The following PTPRD variants were observed in gnomAD, a reference collection of about 807,000 sequenced individuals.
PTPRD encodes the protein protein tyrosine phosphatase receptor type D.
A neutral mutation model predicts 214.5 loss-of-function variants in PTPRD; 34 were observed. The observed-to-expected ratio is 0.16, with a 90% CI of 0.12 to 0.21. PTPRD has a LOEUF of 0.21. Ranked by LOEUF, PTPRD falls within the 10% of genes least tolerant of loss-of-function variation. The probability of loss-of-function intolerance (pLI) is 1.00; values close to 1 mark genes in which losing one functional copy is unlikely to be tolerated. For synonymous variants in PTPRD, 1,128 were observed against 845.7 expected (o/e 1.33, Z -5.79); for missense variants, 2,545 against 2,398.7 (o/e 1.06, Z -1.27).
chr9:10,057,749 A>AG (rs889708597), intron 3 of PTPRD, among the ~76,000 whole-genome samples: 20 of 151,064 alleles, frequency 1.3e-4, no homozygotes, highest in Admixed American at 1.1e-3. Context: ...AATCTGAGGG[A>AG]GGGGAGTTGC....
chr9:8,737,418 A>G (rs372897308), intron 11 of PTPRD, among the ~76,000 whole-genome samples: 12 of 152,190 alleles, frequency 7.9e-5, no homozygotes, highest in African/African-American at 2.9e-4. Flanking sequence ...AGGTACAAAA[A>G]TTGGAAATGG....
intron 11 of PTPRD, among the ~76,000 whole-genome samples, chr9:8,885,249 C>A (rs933547751): frequency 3.3e-5 from 5 of 152,066 alleles, no homozygotes; most frequent in African/African-American, 1.2e-4. Context: ...GTTATTATTA[C>A]CCTCATTTTA....
chr9:9,061,891 A>G (rs1310091758), intron 10 of PTPRD, among the ~76,000 whole-genome samples: 1 of 152,112 alleles, frequency 6.6e-6, no homozygotes, highest in Non-Finnish European at 1.5e-5. Context: ...TTCAAACAGA[A>G]TCCCTGGCAA....
chr9:8,773,566 T>G (rs142944815), intron 11 of PTPRD, among the ~76,000 whole-genome samples: 248 of 152,320 alleles, frequency 1.6e-3, no homozygotes, highest in Non-Finnish European at 2.6e-3. Flanking sequence ...AATTGGTCCC[T>G]ATCCTACTTG....
chr9:9,531,172 A>G (rs918960310), intron 8 of PTPRD, among the ~76,000 whole-genome samples: 1 of 152,140 alleles, frequency 6.6e-6, no homozygotes, highest in Non-Finnish European at 1.5e-5. Context: ...TGTAAATTAC[A>G]TATCAATTTT....
chr9:9,916,761 A>T (rs1410084464), intron 5 of PTPRD, among the ~76,000 whole-genome samples: 1 of 152,066 alleles, frequency 6.6e-6, no homozygotes, highest in Non-Finnish European at 1.5e-5. Context: ...ATTTCATTCA[A>T]CAGTTGGAGA....
intron 8 of PTPRD, among the ~76,000 whole-genome samples, chr9:9,511,456 T>C (rs1054169710): frequency 2.6e-5 from 4 of 151,716 alleles, no homozygotes; most frequent in South Asian, 2.1e-4. Context: ...GTAATAAATA[T>C]CTAGGCTGAT....
At position 10,114,312 on chromosome 9, in the gene PTPRD, T is replaced by C. The variant is rs545616030; in HGVS notation, c.-544-80522A>G. ...TGAAGGGGTCAAAGGAAATAGGATATGGATCAAGCAAAGAACCACTTTCGG... is the reference window on the plus strand; with the variant it reads ...TGAAGGGGTCAAAGGAAATAGGATACGGATCAAGCAAAGAACCACTTTCGG... On this transcript the variant is annotated intron_variant, in intron 3 of 45. Coordinates refer to ENST00000381196, the MANE Select transcript of PTPRD (RefSeq NM_002839.4). Among the ~76,000 whole-genome samples, 17 of 152,250 alleles carry C rather than the reference T, an allele frequency of 1.1e-4. No homozygotes were observed. The East Asian group carries it at 3.1e-3, about 28-fold the overall frequency.
chr9:9,304,364 A>C (rs954110959), intron 9 of PTPRD, among the ~76,000 whole-genome samples: 1 of 152,112 alleles, frequency 6.6e-6, no homozygotes, highest in African/African-American at 2.4e-5. Context: ...CAAAGACTTA[A>C]AGGAGGTGAA....
At chr9:9,344,395 G>C (rs2048023650) in intron 9 of PTPRD, among the ~76,000 whole-genome samples, 4 of 151,974 alleles carry the variant, frequency 2.6e-5, no homozygotes, top group African/African-American at 9.7e-5. Flanking sequence ...TTAAAACCTA[G>C]CTGACAGGTT....
intron 5 of PTPRD, among the ~76,000 whole-genome samples, chr9:9,848,260 G>T (rs2059912471): frequency 6.6e-6 from 1 of 152,038 alleles, no homozygotes. Flanking sequence ...CTTCTGTTAT[G>T]TTCATTTATA....
chr9:9,908,870 C>T (rs115028004), intron 5 of PTPRD, among the ~76,000 whole-genome samples: 1,740 of 151,788 alleles, frequency 0.011, 31 homozygotes, highest in African/African-American at 0.04. Flanking sequence ...GTATCTAGGT[C>T]GGTAACACTT....
At chr9:9,440,011 G>C (rs1178427070) in intron 8 of PTPRD, among the ~76,000 whole-genome samples, 1 of 152,126 alleles carries the variant, frequency 6.6e-6, no homozygotes, top group African/African-American at 2.4e-5. Flanking sequence ...TATACCTCCA[G>C]CTTCATGAAA....
At chr9:10,227,506 G>C (rs1265372074) in intron 3 of PTPRD, among the ~76,000 whole-genome samples, 1 of 151,822 alleles carries the variant, frequency 6.6e-6, no homozygotes, top group Admixed American at 6.6e-5. Flanking sequence ...AGCTATCCAA[G>C]GTTTGGCTCA....
chr9:9,076,367 T>C (rs2099751206), intron 10 of PTPRD, among the ~76,000 whole-genome samples: 1 of 152,004 alleles, frequency 6.6e-6, no homozygotes. Context: ...TGGCAGTTTC[T>C]TTTGCTGTGC....
intron 8 of PTPRD, among the ~76,000 whole-genome samples, chr9:9,542,504 A>G (rs1453101506): frequency 1.3e-5 from 2 of 151,820 alleles, no homozygotes; most frequent in Non-Finnish European, 2.9e-5. Context: ...AAAAGATATC[A>G]TTAAAAAGAT....
intron 11 of PTPRD, among the ~76,000 whole-genome samples, chr9:8,748,475 G>A (rs1319554547): frequency 1.5e-5 from 2 of 135,706 alleles, no homozygotes; most frequent in African/African-American, 2.7e-5. Context: ...CCCTTTGTAT[G>A]GGAGCTCTGT....
intron 2 of PTPRD, among the ~76,000 whole-genome samples, chr9:10,563,374 G>A (rs1384872774): frequency 6.6e-6 from 1 of 152,128 alleles, no homozygotes; most frequent in Non-Finnish European, 1.5e-5. Context: ...GAAAAAAAGA[G>A]ACAGAAAACT....
At chr9:9,781,445 G>A (rs911072530) in intron 5 of PTPRD, among the ~76,000 whole-genome samples, 6 of 152,046 alleles carry the variant, frequency 3.9e-5, no homozygotes, top group African/African-American at 9.7e-5. Flanking sequence ...GAAAGACAAC[G>A]GTGACATTGG....
Sources: allele counts gnomAD v4.1 joint callset (sites outside exome capture counted in the v4.1 genomes callset), GRCh38; gene constraint gnomAD v4.1.1; transcripts MANE v1.5; gene names NCBI Gene and HGNC (gene_info 2026-07-23, HGNC 2026-07-21).